ROBO2: variants seen among roughly 807,000 people sequenced by gnomAD.
ROBO2 encodes the protein roundabout homolog 2.
In ROBO2, 53 loss-of-function variants were observed where a neutral mutation model predicts 160.8. The ratio of observed to expected loss-of-function variants is 0.33; its 90% CI spans 0.26 to 0.41. The LOEUF (loss-of-function observed/expected upper bound fraction) is 0.41, where lower values mean the gene tolerates loss of function less well. Among genes scored for constraint, ROBO2 ranks in the 10% least tolerant of loss-of-function variants. The pLI, the probability that ROBO2 is intolerant of heterozygous loss-of-function variation, is 1.00. For missense variants in ROBO2, 1,577 were observed against 1,722.4 expected (o/e 0.92, Z 1.49); for synonymous variants, 664 against 611.7 (o/e 1.09, Z -1.26).
intron 2 of ROBO2, chr3:76,434,824 C>T: frequency 6.5e-7 from 1 of 1,535,626 alleles, no homozygotes; most frequent in Non-Finnish European, 9.0e-7. Context: ...AATCATGTAT[C>T]TGATGACATG....
At chr3:77,400,036 G>A (rs2075651807) in intron 2 of ROBO2, among the ~76,000 whole-genome samples, 1 of 152,138 alleles carries the variant, frequency 6.6e-6, no homozygotes, top group African/African-American at 2.4e-5. Context: ...TGGCCAGACA[G>A]CAGAGAGGAA....
intron 2 of ROBO2, among the ~76,000 whole-genome samples, chr3:77,435,129 A>G (rs1439675413): frequency 6.6e-6 from 1 of 152,010 alleles, no homozygotes; most frequent in Non-Finnish European, 1.5e-5. Flanking sequence ...CATAAGCATA[A>G]AAGTTCATTC....
chr3:77,067,740 C>T (rs964786455), intron 1 of ROBO2, among the ~76,000 whole-genome samples: 16 of 151,976 alleles, frequency 1.1e-4, no homozygotes, highest in African/African-American at 3.1e-4. Context: ...AAACAGTAGA[C>T]GCAGACCTTC....
chr3:76,510,769 A>T (rs2081046924), intron 2 of ROBO2, among the ~76,000 whole-genome samples: 1 of 152,104 alleles, frequency 6.6e-6, no homozygotes, highest in Admixed American at 6.6e-5. Flanking sequence ...GAAATTAATG[A>T]AAAACAGAAA....
At chr3:77,393,013 A>T (rs2074899341) in intron 2 of ROBO2, among the ~76,000 whole-genome samples, 1 of 151,294 alleles carries the variant, frequency 6.6e-6, no homozygotes, top group Non-Finnish European at 1.5e-5. Context: ...TTTAAATTTA[A>T]GTTGAGCACC....
At chr3:76,828,550 A>G (rs960462981) in intron 2 of ROBO2, among the ~76,000 whole-genome samples, 1 of 152,172 alleles carries the variant, frequency 6.6e-6, no homozygotes, top group Non-Finnish European at 1.5e-5. Flanking sequence ...AGCATAAGGT[A>G]CACATTAGTG....
At position 77,363,919 on chromosome 3, in the gene ROBO2, C is replaced by A. The variant is rs1478082569; in HGVS notation, c.389-113495C>A. Among the ~76,000 whole-genome samples the A allele has an allele frequency of 2.0e-5, 3 of 152,204 alleles. No individual in the cohort carries two copies. The East Asian group carries it at 5.8e-4, about 29-fold the overall frequency. On this transcript the variant is annotated intron_variant, in intron 2 of 25. Coordinates refer to ENST00000461745, the Ensembl canonical transcript of ROBO2. ...AGAAGACAGGGGGCTGGGAGAAGGGCAGACAGAGGCTTTGCTTTGAGGGCT... is the reference window on the plus strand; with the variant it reads ...AGAAGACAGGGGGCTGGGAGAAGGGAAGACAGAGGCTTTGCTTTGAGGGCT...
chr3:76,883,198 G>A (rs1418899286), intron 2 of ROBO2, among the ~76,000 whole-genome samples: 1 of 152,012 alleles, frequency 6.6e-6, no homozygotes, highest in East Asian at 1.9e-4. Flanking sequence ...AGATATAAAT[G>A]GCTGAACTAA....
intron 2 of ROBO2, among the ~76,000 whole-genome samples, chr3:76,531,012 A>T (rs527465387): frequency 6.6e-6 from 1 of 152,208 alleles, no homozygotes; most frequent in African/African-American, 2.4e-5. Flanking sequence ...TTACACTAAG[A>T]TATAAAAAGT....
chr3:77,540,470 A>G (rs2092407897), intron 6 of ROBO2, among the ~76,000 whole-genome samples: 1 of 152,150 alleles, frequency 6.6e-6, no homozygotes, highest in Non-Finnish European at 1.5e-5. Context: ...TTTAACTAAG[A>G]AAGCTGTATT....
At chr3:77,283,121 T>A (rs1203967199) in intron 2 of ROBO2, among the ~76,000 whole-genome samples, 2 of 152,160 alleles carry the variant, frequency 1.3e-5, no homozygotes, top group Non-Finnish European at 2.9e-5. Flanking sequence ...GTGAATCTAT[T>A]TAGTCTACAT....
chr3:77,032,071 C>T (rs2063357676), intron 2 of ROBO2, among the ~76,000 whole-genome samples: 1 of 152,114 alleles, frequency 6.6e-6, no homozygotes. Context: ...CTGCCCTCAT[C>T]ACCGAATTAC....
intron 2 of ROBO2, among the ~76,000 whole-genome samples, chr3:76,957,830 C>CA (rs11298062): frequency 0.031 from 3,961 of 125,796 alleles, 127 homozygotes; most frequent in African/African-American, 0.096. Context: ...GACTCTGTCT[C>CA]AAAAAAAAAA....
intron 2 of ROBO2, chr3:77,316,685 G>C: frequency 1.4e-6 from 1 of 734,516 alleles, no homozygotes; most frequent in Admixed American, 1.9e-5. Context: ...ATATTAAAAG[G>C]TACACTAAAT....
chr3:76,542,616 G>A (rs2082880343), intron 2 of ROBO2, among the ~76,000 whole-genome samples: 1 of 152,084 alleles, frequency 6.6e-6, no homozygotes, highest in Non-Finnish European at 1.5e-5. Context: ...TTGTGAGCCT[G>A]GACCAGCTTT....
intron 2 of ROBO2, among the ~76,000 whole-genome samples, chr3:76,815,061 A>C (rs1374790775): frequency 1.3e-5 from 2 of 152,046 alleles, no homozygotes; most frequent in Admixed American, 6.6e-5. Context: ...TTGTGAGCAG[A>C]AAATTAAAAA....
At chr3:77,173,504 G>A (rs2079837399) in intron 2 of ROBO2, among the ~76,000 whole-genome samples, 2 of 152,120 alleles carry the variant, frequency 1.3e-5, no homozygotes, top group South Asian at 4.2e-4. Flanking sequence ...CAGATTGAGA[G>A]TCTGAAAGTC....
chr3:76,399,941 A>T (rs181449416), intron 2 of ROBO2, among the ~76,000 whole-genome samples: 84 of 151,872 alleles, frequency 5.5e-4, no homozygotes, highest in African/African-American at 2.0e-3. Context: ...GAATAAATTC[A>T]TTTTAAAATT....
intron 2 of ROBO2, among the ~76,000 whole-genome samples, chr3:76,123,106 C>G (rs2070821014): frequency 6.6e-6 from 1 of 152,064 alleles, no homozygotes; most frequent in African/African-American, 2.4e-5. Context: ...TCAGATCTCT[C>G]TCAACTGGTT....
Sources: gnomAD v4.1 joint callset for allele counts (sites outside exome capture counted in the v4.1 genomes callset) on GRCh38, gnomAD v4.1.1 for gene constraint, MANE v1.5 for transcripts, NCBI Gene and HGNC (gene_info 2026-07-23, HGNC 2026-07-21) for gene names.